The following ARMC2 variants were observed in gnomAD, a reference collection of about 807,000 sequenced individuals.
The protein encoded by ARMC2 is armadillo repeat-containing protein 2.
In ARMC2, 67 loss-of-function variants were observed where a neutral mutation model predicts 90.3. The observed-to-expected ratio is 0.74, with a 90% CI of 0.61 to 0.91. The LOEUF (loss-of-function observed/expected upper bound fraction) is 0.91. Ranked by LOEUF, ARMC2 falls within the 40% of genes least tolerant of loss-of-function variation. The pLI is 0.00. For synonymous variants in ARMC2, 393 were observed against 393.0 expected, an observed-to-expected ratio of 1.00 and a Z score of 0.00; for missense variants, 920 against 1,030.9, an observed-to-expected ratio of 0.89 and a Z score of 1.47.
At chr6:108,896,871 A>G (rs920519355) in intron 6 of ARMC2, among the ~76,000 whole-genome samples, 1 of 152,200 alleles carries the variant, frequency 6.6e-6, no homozygotes, top group Non-Finnish European at 1.5e-5. Flanking sequence ...TAGTAAATTT[A>G]AGTGTGTTAT....
At chr6:108,922,354 C>T (rs1774666504) in intron 10 of ARMC2, among the ~76,000 whole-genome samples, 1 of 152,040 alleles carries the variant, frequency 6.6e-6, no homozygotes, top group South Asian at 2.1e-4. Context: ...CTCACTGCAG[C>T]CTCAGCCTCT....
rs1778437964 is a variant in ARMC2 at position 108,967,267 on chromosome 6, T to C, written c.2446+2127T>C. On this transcript the variant is annotated intron_variant, in intron 17 of 17. Transcript: ENST00000392644. ...TGATTGGCTCAGTGAGTCACTGTCCTATGGCCCAGGGCTTTCCCGCATAGG... is the reference window on the plus strand; with the variant it reads ...TGATTGGCTCAGTGAGTCACTGTCCCATGGCCCAGGGCTTTCCCGCATAGG... 2.0e-5 allele frequency among the ~76,000 whole-genome samples: 3 copies of C among 152,236 alleles called. No individual in the cohort carries two copies. In the South Asian group the frequency reaches 6.2e-4, roughly 32 times the overall value.
At chr6:108,862,217 G>A (rs940429871) in intron 3 of ARMC2, among the ~76,000 whole-genome samples, 2 of 151,784 alleles carry the variant, frequency 1.3e-5, no homozygotes, top group African/African-American at 4.8e-5. Flanking sequence ...GGTGGCGCAT[G>A]CCTCTAACCC....
the ARMC2 span, among the ~76,000 whole-genome samples, chr6:108,981,448 C>T: frequency 5.3e-5 from 8 of 152,274 alleles, 1 homozygote; most frequent in South Asian, 1.7e-3. Flanking sequence ...TAAACTGACG[C>T]TATACGCACC....
At position 108,973,358 on chromosome 6, in the gene ARMC2, T is replaced by C. The variant is rs1228333795; in HGVS notation, c.2448T>C (p.Asp816=). Residue 816 remains aspartate, a splice_region_variant and synonymous_variant, in exon 18 of 18, where the codon GAT becomes GAC. Transcript: ENST00000392644. ...TLLLLLSSFL[D]EELALDGSFD... is the part of the protein sequence containing the mutation. Reference sequence around the variant, plus strand: ...GTAATTTAAATTTTTCTAATACAGATGAAGAACTAGCACTGGATGGCAGTT... The same window carrying C: ...GTAATTTAAATTTTTCTAATACAGACGAAGAACTAGCACTGGATGGCAGTT... 3 of 1,607,504 alleles carry C rather than the reference T, an allele frequency of 1.9e-6. No homozygotes were observed. The highest frequency in any genetic ancestry group is 3.4e-5 in the Admixed American group (2 of 58,596).
At chr6:109,024,340 A>G in the ARMC2 span, among the ~76,000 whole-genome samples, 1 of 152,172 alleles carries the variant, frequency 6.6e-6, no homozygotes. Context: ...ATAGTGAAGC[A>G]CTTAATCACA....
chr6:108,989,375 C>G, the ARMC2 span, among the ~76,000 whole-genome samples: 1 of 151,816 alleles, frequency 6.6e-6, no homozygotes, highest in Non-Finnish European at 1.5e-5. Flanking sequence ...GTTATTGGTA[C>G]TAGTACTTTC....
chr6:109,031,325 G>A, the ARMC2 span, among the ~76,000 whole-genome samples: 1 of 152,204 alleles, frequency 6.6e-6, no homozygotes, highest in Admixed American at 6.5e-5. Context: ...AGTGAAAGCA[G>A]TGACTGTGCA....
In ARMC2 at chr6:108,858,183, C is replaced by T; in HGVS notation, c.219-16C>T. ...ATTCTTCACAAACTAACACTCTGCA[C>T]CATCTTTTATGCTAGCCTCCATGCA... On this transcript the variant is annotated splice_polypyrimidine_tract_variant and intron_variant, in intron 2 of 17. Coordinates refer to ENST00000392644, the MANE Select transcript of ARMC2 (RefSeq NM_032131.6). The T allele has an allele frequency of 1.3e-6, 2 of 1,599,152 alleles. 1 individual carries two copies. The highest frequency in any genetic ancestry group is 2.2e-5 in the South Asian group (2 of 90,082).
the ARMC2 span, among the ~76,000 whole-genome samples, chr6:108,989,098 G>C: frequency 6.6e-6 from 1 of 152,092 alleles, no homozygotes; most frequent in East Asian, 1.9e-4. Context: ...TGCTTCCTGG[G>C]TTCAAGCGAT....
intron 6 of ARMC2, among the ~76,000 whole-genome samples, chr6:108,896,159 T>G (rs1299574502): frequency 6.6e-6 from 1 of 152,216 alleles, no homozygotes; most frequent in African/African-American, 2.4e-5. Flanking sequence ...GATTTTACAT[T>G]TACGTGCTAA....
the ARMC2 span, among the ~76,000 whole-genome samples, chr6:109,007,869 C>G: frequency 7.1e-6 from 1 of 141,560 alleles, no homozygotes; most frequent in Non-Finnish European, 1.5e-5. Flanking sequence ...ATTTGTAATA[C>G]TTAGGCCATA....
chr6:109,007,836 A>G, the ARMC2 span, among the ~76,000 whole-genome samples: 20 of 149,870 alleles, frequency 1.3e-4, no homozygotes, highest in Non-Finnish European at 2.5e-4. Flanking sequence ...TAGAAAAAAA[A>G]CTTACTGACT....
chr6:108,955,596 A>G (rs1393413027), intron 13 of ARMC2, among the ~76,000 whole-genome samples: 1 of 152,018 alleles, frequency 6.6e-6, no homozygotes, highest in Non-Finnish European at 1.5e-5. Flanking sequence ...GTCTTGAGAA[A>G]CGACTCTTCA....
chr6:108,868,142 T>TAGGG (rs1776018483), intron 3 of ARMC2, among the ~76,000 whole-genome samples: 1 of 151,772 alleles, frequency 6.6e-6, no homozygotes, highest in South Asian at 2.1e-4. Flanking sequence ...CAACAAATGT[T>TAGGG]TTCTGAACTG....
At chr6:109,004,421 C>T in the ARMC2 span, among the ~76,000 whole-genome samples, 4 of 150,904 alleles carry the variant, frequency 2.7e-5, no homozygotes, top group African/African-American at 4.9e-5. Context: ...TAAATCAATA[C>T]GAAAATCCCC....
At chr6:108,894,410 T>G in intron 5 of ARMC2, 57 bp from the exon 6 acceptor site, 2 of 1,458,970 alleles carry the variant, frequency 1.4e-6, no homozygotes, top group Non-Finnish European at 1.9e-6. Flanking sequence ...CTCTTGTCAT[T>G]TACAAAATTA....
chr6:108,870,499 G>GAA (rs1776271261), intron 4 of ARMC2, among the ~76,000 whole-genome samples: 1 of 150,502 alleles, frequency 6.6e-6, no homozygotes. Context: ...AAGAAAGAAA[G>GAA]AGAGAGAGAA....
At chr6:109,023,342 T>C in the ARMC2 span, among the ~76,000 whole-genome samples, 4 of 152,236 alleles carry the variant, frequency 2.6e-5, no homozygotes, top group African/African-American at 7.2e-5. Flanking sequence ...AAATTTCATC[T>C]TCTGAACAAA....
Sources: gnomAD v4.1 joint callset for allele counts (sites outside exome capture counted in the v4.1 genomes callset) on GRCh38, gnomAD v4.1.1 for gene constraint, MANE v1.5 for transcripts, NCBI Gene and HGNC (gene_info 2026-07-23, HGNC 2026-07-21) for gene names.